KIF26A: variants seen among roughly 807,000 people sequenced by gnomAD.
The protein encoded by KIF26A is kinesin-like protein KIF26A.
In KIF26A, 74 loss-of-function variants were observed where a neutral mutation model predicts 126.0. The ratio of observed to expected loss-of-function variants is 0.59; its 90% CI spans 0.49 to 0.71. The LOEUF (loss-of-function observed/expected upper bound fraction) is 0.71, where lower values mean the gene tolerates loss of function less well. Among genes scored for constraint, KIF26A ranks in the 30% least tolerant of loss-of-function variants. KIF26A has a pLI of 0.00. For synonymous variants in KIF26A, 1,445 were observed against 1,232.7 expected, an observed-to-expected ratio of 1.17 and a Z score of -3.61; for missense variants, 2,984 against 2,763.3, an observed-to-expected ratio of 1.08 and a Z score of -1.79.
chr14:104,154,525 C>T (rs1286900215), intron 3 of KIF26A, among the ~76,000 whole-genome samples: 1 of 152,176 alleles, frequency 6.6e-6, no homozygotes, highest in Non-Finnish European at 1.5e-5. Flanking sequence ...TCTTCCCGGA[C>T]TGTTGGGCCG....
chr14:104,172,738 C>T (rs2037972276), intron 7 of KIF26A, 70 bp downstream of exon 7: 5 of 1,250,272 alleles, frequency 4.0e-6, no homozygotes, highest in Non-Finnish European at 5.7e-6. Flanking sequence ...ACGGTGGTTG[C>T]TGGCAGCTTC....
At chr14:104,156,944 C>T (rs1026544218) in intron 3 of KIF26A, among the ~76,000 whole-genome samples, 1 of 152,082 alleles carries the variant, frequency 6.6e-6, no homozygotes, top group African/African-American at 2.4e-5. Flanking sequence ...GGCCACGGTG[C>T]CCAAGGGGGT....
chr14:104,179,612 AGGTGGACCC>A lies in KIF26A; in HGVS notation c.5474_5482del (p.Val1825_Pro1827del), dbSNP rs1458585464. 2 of 1,524,128 alleles carry A rather than the reference AGGTGGACCC, an allele frequency of 1.3e-6. No individual in the cohort carries two copies. Among genetic ancestry groups the A allele is most frequent in the African/African-American group, 2.8e-5 (2 of 72,360 alleles). The allele number at this position is 1,524,128 out of a possible 1,614,324, so 94.4% of individuals were successfully genotyped here. ...TCCCCTCTCCTCCCCTCCCCAGTTGAGGTGGACCCGGAGCTGGAGCCCGAGTCGGCCGAG... is the reference window on the plus strand; with the variant it reads ...TCCCCTCTCCTCCCCTCCCCAGTTGAGGAGCTGGAGCCCGAGTCGGCCGAG... On this transcript the variant is annotated inframe_deletion, in exon 15 of 15. Transcript: ENST00000423312.
In KIF26A at chr14:104,176,275, C is replaced by A; in HGVS notation, c.3487C>A (p.Pro1163Thr). The change falls in exon 12 of 15, where the codon CCA becomes ACA. Residue 1163 changes from proline (P) to threonine (T), a missense_variant. By Grantham distance (38) the Pro-to-Thr change is conservative (BLOSUM62 -1). Transcript: ENST00000423312. Reference protein sequence around the residue: ...LGDGSSGFLGPDRPDSPGPTW... With the variant: ...LGDGSSGFLGTDRPDSPGPTW... ...GGATGGAAGCTCTGGGTTCCTGGGGCCAGACAGACCTGACAGTCCTGGGCC... is the reference window on the plus strand; with the variant it reads ...GGATGGAAGCTCTGGGTTCCTGGGGACAGACAGACCTGACAGTCCTGGGCC... The A allele has an allele frequency of 6.3e-7, 1 of 1,591,990 alleles. No individual in the cohort carries two copies. Among genetic ancestry groups the A allele is most frequent in the South Asian group, 1.1e-5 (1 of 88,314 alleles).
chr14:104,172,625 T>G lies in KIF26A; in HGVS notation c.1377T>G (p.Ser459Arg). 6.2e-7 allele frequency: 1 copy of G among 1,613,152 alleles called. No homozygotes were observed. Among genetic ancestry groups the G allele is most frequent in the Non-Finnish European group, 8.5e-7 (1 of 1,179,776 alleles). Residue 459 changes from serine (S) to arginine (R), a missense_variant, in exon 7 of 15, where the codon AGT becomes AGG. Coordinates refer to ENST00000423312, the MANE Select transcript of KIF26A (RefSeq NM_015656.2). ...CCGACGTGCTCCAGTCGGTGGTCAG[T>G]GGGGCTGATGGCTGCATTTTTTCCT... ...TVADVLQSVV[S>R]GADGCIFSFG...
intron 12 of KIF26A, 36 bp from the exon 13 acceptor site, chr14:104,178,514 G>A (rs781530957): frequency 7.8e-5 from 110 of 1,403,856 alleles, no homozygotes; most frequent in Non-Finnish European, 1.0e-4. Context: ...GCTGGGCCCC[G>A]CCTCTGTTCA....
rs1440397526 is a variant in KIF26A at position 104,166,924 on chromosome 14, C to T, written c.989C>T (p.Thr330Ile). 20 of 1,593,994 alleles carry T rather than the reference C, an allele frequency of 1.3e-5. No individual in the cohort carries two copies. The highest frequency in any genetic ancestry group is 1.6e-5 in the Non-Finnish European group (19 of 1,171,442). The change falls in exon 5 of 15, where the codon ACC becomes ATC. Residue 330 changes from threonine (T) to isoleucine (I), a missense_variant. Physicochemically the swap from Thr to Ile is moderately conservative, Grantham distance 89. Coordinates refer to ENST00000423312, the MANE Select transcript of KIF26A (RefSeq NM_015656.2). ...KKPHPPPPPATRGTSTYPTDF... is the reference protein window; with the variant it reads ...KKPHPPPPPAIRGTSTYPTDF... ...CCCCACCCGCCACCGCCTCCAGCCA[C>T]CCGCGGCACCTCCACCTACCCCACC...
rs1055992529 is a variant in KIF26A, at chr14:104,152,847, T to C, written c.735+386T>C. Among the ~76,000 whole-genome samples the C allele has an allele frequency of 3.3e-5, 5 of 152,018 alleles. No individual in the cohort carries two copies. The highest frequency in any genetic ancestry group is 9.7e-5 in the African/African-American group (4 of 41,392). ...CCTTGTGGCAGAGCGAGGGCCTGTG[T>C]GGAGGCCTGGGGGTGTGAGGCGTCC... On this transcript the variant is annotated intron_variant, in intron 3 of 14. Transcript: ENST00000423312. This position sits in a 1 kb window ranked among gnomAD's most constrained non-coding sequence, Gnocchi z 5.9.
chr14:104,174,834 C>T (rs2037998477), intron 11 of KIF26A, 148 bp from the exon 12 acceptor site: 7 of 835,096 alleles, frequency 8.4e-6, no homozygotes, highest in African/African-American at 3.4e-5. Context: ...CAGTTCCGCT[C>T]CCAGCGTTTG....
intron 5 of KIF26A, among the ~76,000 whole-genome samples, chr14:104,170,008 T>G (rs543633368): frequency 6.6e-6 from 1 of 152,026 alleles, no homozygotes; most frequent in Non-Finnish European, 1.5e-5. Flanking sequence ...GGCTGCTCCA[T>G]CCCCTCCCTG....
rs540747073 is a variant in KIF26A, at chr14:104,172,996, C to T, written c.1440C>T (p.Ile480=). ...CCCCAGGCAAGTCGTACACCATGAT[C>T]GGGAAGGACAGCTCACCCCAGAGCC... ...HMSLGKSYTM[I]GKDSSPQSLG... is the part of the protein sequence containing the mutation. The change falls in exon 8 of 15, where the codon ATC becomes ATT. Residue 480 remains isoleucine, a synonymous_variant. Transcript: ENST00000423312. 5.3e-5 allele frequency: 84 copies of T among 1,598,834 alleles called. 1 individual carries two copies. In the South Asian group the frequency reaches 7.4e-4, roughly 14 times the overall value.
At position 104,176,021 on chromosome 14, in the gene KIF26A, G is replaced by T; in HGVS notation, c.3233G>T (p.Ser1078Ile). 1 of 1,592,602 alleles carries T rather than the reference G, an allele frequency of 6.3e-7. No individual in the cohort carries two copies. Among genetic ancestry groups the T allele is most frequent in the South Asian group, 1.1e-5 (1 of 89,198 alleles). ...TCCCGGCCAGTCAGCATCATCAGCA[G>T]CATCAATGATGAGTTTGACGCCTAC... ...SGSRPVSIIS[S>I]INDEFDAYTS... Residue 1078 changes from serine to isoleucine, a missense_variant, in exon 12 of 15, where the codon AGC (serine) becomes ATC (isoleucine). Coordinates refer to ENST00000423312, the MANE Select transcript of KIF26A (RefSeq NM_015656.2).
chr14:104,173,788 G>A lies in KIF26A; in HGVS notation c.1950G>A (p.Gly650=). ...AAAGRAGEAA[G]GPLCLSLSAL... ...CTGGCAGGGCCGGGGAGGCTGCTGGGGGTCCCCTGTGTCTGTCCCTGTCGG... is the reference window on the plus strand; with the variant it reads ...CTGGCAGGGCCGGGGAGGCTGCTGGAGGTCCCCTGTGTCTGTCCCTGTCGG... The change falls in exon 10 of 15, where the codon GGG becomes GGA. Residue 650 remains glycine, a synonymous_variant. Coordinates refer to ENST00000423312, the MANE Select transcript of KIF26A (RefSeq NM_015656.2). The A allele has an allele frequency of 6.2e-7, 1 of 1,607,036 alleles. No individual in the cohort carries two copies. Among genetic ancestry groups the A allele is most frequent in the Non-Finnish European group, 8.5e-7 (1 of 1,179,496 alleles).
chr14:104,175,307 C>A lies in KIF26A; in HGVS notation c.2519C>A (p.Thr840Asn). The change falls in exon 12 of 15, where the codon ACC (threonine) becomes AAC (asparagine). Residue 840 changes from threonine (T) to asparagine (N), a missense_variant. Physicochemically the swap from Thr to Asn is moderately conservative, Grantham distance 65. Transcript: ENST00000423312. Reference protein sequence around the residue: ...PRDADHFRCSTFAELQERLEC... With the variant: ...PRDADHFRCSNFAELQERLEC... ...GACGCAGACCACTTCCGCTGCAGCA[C>A]CTTCGCGGAGCTGCAGGAGCGGCTG... 6.2e-7 allele frequency: 1 copy of A among 1,604,706 alleles called. No homozygotes were observed. The highest frequency in any genetic ancestry group is 8.5e-7 in the Non-Finnish European group (1 of 1,179,562).
In KIF26A at chr14:104,178,615, A is replaced by G; in HGVS notation, c.5176A>G (p.Ser1726Gly). ...PDTTALGRKP[S>G]LPGQWVDLPP... ...CACCACTGCCCTGGGCCGTAAGCCCAGCCTCCCCGGGCAGTGGGTGGACCT... is the reference window on the plus strand; with the variant it reads ...CACCACTGCCCTGGGCCGTAAGCCCGGCCTCCCCGGGCAGTGGGTGGACCT... Residue 1726 changes from serine (S) to glycine (G), a missense_variant, in exon 13 of 15, where the codon AGC becomes GGC. Transcript: ENST00000423312. 1 of 1,547,110 alleles carries G rather than the reference A, an allele frequency of 6.5e-7. No individual in the cohort carries two copies. The highest frequency in any genetic ancestry group is 8.7e-7 in the Non-Finnish European group (1 of 1,146,200).
intron 2 of KIF26A, among the ~76,000 whole-genome samples, chr14:104,144,769 T>C (rs2037666564): frequency 6.6e-6 from 1 of 152,254 alleles, no homozygotes; most frequent in Non-Finnish European, 1.5e-5. Context: ...TTTTAGCTTA[T>C]ATTTTGTAGT....
At position 104,175,699 on chromosome 14, in the gene KIF26A, G is replaced by A; in HGVS notation, c.2911G>A (p.Gly971Arg). The A allele has an allele frequency of 6.3e-7, 1 of 1,599,490 alleles. No homozygotes were observed. The highest frequency in any genetic ancestry group is 8.5e-7 in the Non-Finnish European group (1 of 1,174,364). ...CAGAGCCCCAGAAGAGCCTGGGGGA[G>A]GGGGCACTGATGGAGTGGCACGGAC... ...ACRAPEEPGGGGTDGVARTPP... is the reference protein window; with the variant it reads ...ACRAPEEPGGRGTDGVARTPP... Residue 971 changes from glycine to arginine, a missense_variant, in exon 12 of 15, where the codon GGG becomes AGG. By Grantham distance (125) the Gly-to-Arg change is moderately radical. Coordinates refer to ENST00000423312, the MANE Select transcript of KIF26A (RefSeq NM_015656.2).
intron 2 of KIF26A, among the ~76,000 whole-genome samples, chr14:104,147,248 A>G (rs187857832): frequency 7.2e-5 from 11 of 152,248 alleles, no homozygotes; most frequent in African/African-American, 2.4e-4. Context: ...CCCAGATCCC[A>G]GTCATGGCAT....
intron 5 of KIF26A, among the ~76,000 whole-genome samples, chr14:104,170,707 C>A (rs1160395508): frequency 6.6e-6 from 1 of 152,246 alleles, no homozygotes; most frequent in African/African-American, 2.4e-5. Flanking sequence ...CGGGTCAGAG[C>A]CGCCGCCTCC....
Sources: gnomAD v4.1 joint callset for allele counts (sites outside exome capture counted in the v4.1 genomes callset) on GRCh38, gnomAD v4.1.1 for gene constraint, Gnocchi (gnomAD v3.1) non-coding constraint, MANE v1.5 for transcripts, NCBI Gene and HGNC (gene_info 2026-07-23, HGNC 2026-07-21) for gene names.